The following RGS6 variants were observed in gnomAD, a reference collection of about 807,000 sequenced individuals.
The protein encoded by RGS6 is regulator of G-protein signaling 6.
RGS6 carries 30 observed loss-of-function variants against 78.5 expected under a neutral mutation model. That is an observed-to-expected ratio of 0.38 (90% CI 0.29 to 0.52). The LOEUF is 0.52. RGS6 is among the 20% of genes least tolerant of loss of function. The probability of loss-of-function intolerance (pLI) is 0.85; values close to 1 mark genes in which losing one functional copy is unlikely to be tolerated. For missense variants in RGS6, 495 were observed against 609.7 expected (o/e 0.81, Z 1.98); for synonymous variants, 206 against 206.0 (o/e 1.00, Z 0.00).
intron 2 of RGS6, among the ~76,000 whole-genome samples, chr14:72,338,162 G>A (rs982114924): frequency 2.6e-5 from 4 of 152,318 alleles, no homozygotes; most frequent in Middle Eastern, 3.4e-3. Flanking sequence ...CCATAAGGTG[G>A]ATAAAGATAA....
intron 2 of RGS6, among the ~76,000 whole-genome samples, chr14:72,279,627 G>A (rs536564827): frequency 6.6e-6 from 1 of 152,310 alleles, no homozygotes; most frequent in South Asian, 2.1e-4. Flanking sequence ...GCCATTAGCT[G>A]TACTTGGATG....
At chr14:72,014,553 T>C (rs1032830102) in intron 2 of RGS6, among the ~76,000 whole-genome samples, 1 of 152,216 alleles carries the variant, frequency 6.6e-6, no homozygotes, top group Non-Finnish European at 1.5e-5. Flanking sequence ...TGGTTTTGTT[T>C]AGGGCAACAT....
chr14:72,547,159 C>G, intron 17 of RGS6: 1 of 1,534,288 alleles, frequency 6.5e-7, no homozygotes, highest in Non-Finnish European at 8.7e-7. Flanking sequence ...CTGCCTAGGA[C>G]AGAGCCTGCC....
At chr14:72,224,622 A>G (rs939416404) in intron 2 of RGS6, among the ~76,000 whole-genome samples, 1 of 152,172 alleles carries the variant, frequency 6.6e-6, no homozygotes, top group Non-Finnish European at 1.5e-5. Flanking sequence ...TATGCCTGAA[A>G]AGTTGTGCAC....
intron 12 of RGS6, among the ~76,000 whole-genome samples, chr14:72,490,343 A>G (rs1321386283): frequency 6.6e-6 from 1 of 152,190 alleles, no homozygotes; most frequent in African/African-American, 2.4e-5. Context: ...GCTACATGGA[A>G]CTGTAAGTCC....
intron 2 of RGS6, among the ~76,000 whole-genome samples, chr14:72,293,998 G>T (rs1450057851): frequency 6.6e-6 from 1 of 152,208 alleles, no homozygotes; most frequent in Non-Finnish European, 1.5e-5. Context: ...TGATGGATAT[G>T]CGGGCTGTGT....
chr14:72,449,228 A>T (rs954781881), intron 3 of RGS6, among the ~76,000 whole-genome samples: 3 of 152,230 alleles, frequency 2.0e-5, no homozygotes, highest in African/African-American at 7.2e-5. Flanking sequence ...TACTCAAAAG[A>T]AAGTGTCTTT....
chr14:71,984,787 A>C (rs1212251421), intron 2 of RGS6, among the ~76,000 whole-genome samples: 2 of 152,218 alleles, frequency 1.3e-5, no homozygotes, highest in Non-Finnish European at 2.9e-5. Flanking sequence ...TCTGTGTCTC[A>C]CATGGTAAGG....
rs1050525081 is a variant in RGS6 at position 72,562,555 on chromosome 14, G to A, written c.*88G>A. On this transcript the variant is annotated 3_prime_UTR_variant, in exon 18 of 18. Transcript: ENST00000553525. ...ACATCTGCGGACAGAGTTTCCTTAC[G>A]AGGAGACTTGGTCACTGTGAAGGAG... The A allele has an allele frequency of 2.2e-5, 35 of 1,581,638 alleles. No homozygotes were observed. The Middle Eastern group carries it at 5.3e-4, about 24-fold the overall frequency.
chr14:72,375,947 C>T (rs1465746726), intron 3 of RGS6, among the ~76,000 whole-genome samples: 3 of 151,908 alleles, frequency 2.0e-5, no homozygotes, highest in Non-Finnish European at 4.4e-5. Context: ...AATGTAGGGA[C>T]ACAATAAACA....
chr14:72,164,533 A>G (rs961668529), intron 2 of RGS6, among the ~76,000 whole-genome samples: 1 of 152,184 alleles, frequency 6.6e-6, no homozygotes, highest in African/African-American at 2.4e-5. Flanking sequence ...CACCTCATGG[A>G]ATCTTCGCCA....
Position 71,932,519 on chromosome 14 carries a change from G to A in RGS6, c.-443G>A, listed in dbSNP as rs2087984356. 1.3e-5 allele frequency: 2 copies of A among 152,012 alleles called. No homozygotes were observed. Among genetic ancestry groups the A allele is most frequent in the African/African-American group, 4.8e-5 (2 of 41,432 alleles). 9.4% of individuals were successfully genotyped at this position (152,012 alleles called of 1,614,324 possible). A position where few individuals can be genotyped will look rare whatever the true frequency, so the allele number is the denominator to read the frequency against. ...GGGCGCCGCGTTCCTACAGCCGCCG[G>A]AGCCGCCAGGCGCCGAGGGAACGGA... On this transcript the variant is annotated 5_prime_UTR_variant, in exon 1 of 18. Coordinates refer to ENST00000553525, the MANE Select transcript of RGS6 (RefSeq NM_001204424.2).
chr14:72,262,210 C>T (rs1320420884), intron 2 of RGS6, among the ~76,000 whole-genome samples: 1 of 152,144 alleles, frequency 6.6e-6, no homozygotes, highest in Non-Finnish European at 1.5e-5. Flanking sequence ...CAATCTGGCT[C>T]CCTCAGAAAC....
At chr14:72,443,759 T>G (rs1430016752) in intron 3 of RGS6, among the ~76,000 whole-genome samples, 1 of 152,196 alleles carries the variant, frequency 6.6e-6, no homozygotes, top group East Asian at 1.9e-4. Flanking sequence ...GAAACATCTG[T>G]CATGCTCTCT....
chr14:72,496,063 T>G (rs779075060), intron 13 of RGS6, among the ~76,000 whole-genome samples: 2 of 152,216 alleles, frequency 1.3e-5, no homozygotes, highest in Non-Finnish European at 2.9e-5. Context: ...TTCTGGCTGC[T>G]TTTCCTGAAA....
intron 2 of RGS6, among the ~76,000 whole-genome samples, chr14:72,071,826 T>C (rs763675251): frequency 4.6e-5 from 7 of 152,146 alleles, no homozygotes; most frequent in Non-Finnish European, 8.8e-5. Flanking sequence ...ACAGAACATA[T>C]AGAATTAAAT....
Position 72,163,065 on chromosome 14 carries a change from G to A in RGS6, c.85-189030G>A, listed in dbSNP as rs1204989469. ...ACTTGGGAGAAAGAATGGGAGGTGG[G>A]TGAGGAATAAAAGACTACAAATTGG... On this transcript the variant is annotated intron_variant, in intron 2 of 17. Transcript: ENST00000553525. 5.3e-5 allele frequency among the ~76,000 whole-genome samples: 8 copies of A among 152,248 alleles called. No homozygotes were observed. In the East Asian group the frequency reaches 1.2e-3, roughly 22 times the overall value.
At chr14:72,068,711 G>C (rs913970773) in intron 2 of RGS6, among the ~76,000 whole-genome samples, 4 of 151,420 alleles carry the variant, frequency 2.6e-5, no homozygotes, top group African/African-American at 9.7e-5. Context: ...TGGCTAGGCT[G>C]GTCTTGAACT....
At position 72,194,044 on chromosome 14, in the gene RGS6, G is replaced by A. The variant is rs1014602225; in HGVS notation, c.85-158051G>A. On this transcript the variant is annotated intron_variant, in intron 2 of 17. Transcript: ENST00000553525. ...AATGGAGTTGAGGGGCTAGTCAGGA[G>A]TAGGGCAGAGAGATCAGGTGAGAGG... Among the ~76,000 whole-genome samples, 3 of 152,316 alleles carry A rather than the reference G, an allele frequency of 2.0e-5. No homozygotes were observed. The East Asian group carries it at 5.8e-4, about 29-fold the overall frequency.
Sources: allele counts gnomAD v4.1 joint callset (sites outside exome capture counted in the v4.1 genomes callset), GRCh38; gene constraint gnomAD v4.1.1; transcripts MANE v1.5; gene names NCBI Gene and HGNC (gene_info 2026-07-23, HGNC 2026-07-21).